The following DPP10 variants were observed in gnomAD, a reference collection of about 807,000 sequenced individuals.
The protein encoded by DPP10 is dipeptidyl peptidase like 10.
Under a neutral mutation model 120.9 loss-of-function variants are expected in DPP10, and 33 were observed. The observed-to-expected ratio is 0.27, with a 90% confidence interval of 0.21 to 0.37. The LOEUF is 0.37. DPP10 is among the 10% of genes least tolerant of loss of function. DPP10 has a pLI of 1.00. For synonymous variants in DPP10, 337 were observed against 326.1 expected, an observed-to-expected ratio of 1.03 and a Z score of -0.36; for missense variants, 816 against 942.8, an observed-to-expected ratio of 0.87 and a Z score of 1.76.
At chr2:114,691,643 T>C (rs573296640) in intron 1 of DPP10, among the ~76,000 whole-genome samples, 1 of 152,202 alleles carries the variant, frequency 6.6e-6, no homozygotes, top group East Asian at 1.9e-4. Context: ...TGGAATAGTT[T>C]CAGTAGAAGT....
chr2:114,930,691 T>C (rs1200251335), intron 1 of DPP10, among the ~76,000 whole-genome samples: 1 of 152,224 alleles, frequency 6.6e-6, no homozygotes, highest in East Asian at 1.9e-4. Flanking sequence ...ATTTAGCTTA[T>C]AGTTTTGTAG....
intron 1 of DPP10, among the ~76,000 whole-genome samples, chr2:114,640,213 G>A (rs1695605324): frequency 6.6e-6 from 1 of 151,844 alleles, no homozygotes; most frequent in Non-Finnish European, 1.5e-5. Context: ...ATAACTAGAG[G>A]GATTCAGATG....
At chr2:115,282,960 A>G (rs1435691815) in intron 1 of DPP10, among the ~76,000 whole-genome samples, 1 of 152,104 alleles carries the variant, frequency 6.6e-6, no homozygotes, top group Non-Finnish European at 1.5e-5. Flanking sequence ...AGTCCAAATT[A>G]GTTTCAAGAT....
At chr2:115,777,334 T>A (rs1304522500) in intron 14 of DPP10, 35 bp downstream of exon 14, 2 of 1,570,620 alleles carry the variant, frequency 1.3e-6, no homozygotes, top group Non-Finnish European at 1.8e-6. Context: ...AGGCTGCAAG[T>A]TAGCGTTGTC....
chr2:114,652,040 C>T (rs926704505), intron 1 of DPP10, among the ~76,000 whole-genome samples: 8 of 151,962 alleles, frequency 5.3e-5, no homozygotes, highest in Non-Finnish European at 1.0e-4. Flanking sequence ...GTTGGGATAT[C>T]CATGAAGAAA....
chr2:115,384,437 G>A (rs2066702734), intron 3 of DPP10, among the ~76,000 whole-genome samples: 2 of 137,584 alleles, frequency 1.5e-5, no homozygotes, highest in Admixed American at 1.6e-4. Flanking sequence ...AGGAGAAGAA[G>A]AAGAGGAGGA....
intron 3 of DPP10, among the ~76,000 whole-genome samples, chr2:115,372,746 C>T (rs563325981): frequency 6.6e-6 from 1 of 152,196 alleles, no homozygotes; most frequent in Non-Finnish European, 1.5e-5. Flanking sequence ...ATAACCATCA[C>T]TGAAGTTAGA....
At chr2:114,485,844 A>G (rs1355161201) in intron 1 of DPP10, among the ~76,000 whole-genome samples, 2 of 152,242 alleles carry the variant, frequency 1.3e-5, no homozygotes, top group African/African-American at 2.4e-5. Flanking sequence ...AACTTCCACC[A>G]AGGGAAAGCA....
At chr2:115,101,042 A>T (rs551770828) in intron 1 of DPP10, among the ~76,000 whole-genome samples, 2 of 152,226 alleles carry the variant, frequency 1.3e-5, no homozygotes, top group Admixed American at 1.3e-4. Context: ...CCTGTGAACC[A>T]AGCTCAGTCA....
At chr2:115,387,863 A>G (rs532840456) in intron 3 of DPP10, among the ~76,000 whole-genome samples, 3 of 152,320 alleles carry the variant, frequency 2.0e-5, no homozygotes, top group East Asian at 3.9e-4. Flanking sequence ...TAAACAGGCA[A>G]TACACAATTA....
chr2:115,460,693 C>T (rs555277174), intron 3 of DPP10, among the ~76,000 whole-genome samples: 15 of 152,188 alleles, frequency 9.9e-5, no homozygotes, highest in Non-Finnish European at 1.5e-4. Context: ...ATCAGAATCC[C>T]GAGAAATGGC....
At chr2:114,477,519 A>G (rs899521445) in intron 1 of DPP10, among the ~76,000 whole-genome samples, 2 of 90,958 alleles carry the variant, frequency 2.2e-5, no homozygotes, top group Non-Finnish European at 4.7e-5. Flanking sequence ...ATGTGTGTGT[A>G]TATATGTATA....
chr2:114,514,016 G>A (rs771739013), intron 1 of DPP10, among the ~76,000 whole-genome samples: 1 of 152,194 alleles, frequency 6.6e-6, no homozygotes, highest in Non-Finnish European at 1.5e-5. Context: ...CAGGGTTTGT[G>A]TTATCCAAGG....
intron 1 of DPP10, among the ~76,000 whole-genome samples, chr2:114,771,230 C>T (rs528549153): frequency 1.3e-5 from 2 of 152,282 alleles, no homozygotes; most frequent in African/African-American, 4.8e-5. Flanking sequence ...ATTCTGAAAT[C>T]GTCTCAGTTG....
At chr2:115,227,550 C>T (rs2057496279) in intron 1 of DPP10, among the ~76,000 whole-genome samples, 1 of 152,290 alleles carries the variant, frequency 6.6e-6, no homozygotes, top group South Asian at 2.1e-4. Context: ...AGCCCAAACT[C>T]CCTCTTGCCC....
chr2:115,094,078 T>C (rs1559086700), intron 1 of DPP10, among the ~76,000 whole-genome samples: 1 of 152,136 alleles, frequency 6.6e-6, no homozygotes, highest in Non-Finnish European at 1.5e-5. Context: ...GGGCATCTAG[T>C]AACTTTGAGT....
At chr2:115,535,960 T>G (rs2078804966) in intron 5 of DPP10, among the ~76,000 whole-genome samples, 1 of 152,036 alleles carries the variant, frequency 6.6e-6, no homozygotes, top group Non-Finnish European at 1.5e-5. Flanking sequence ...TGCACATTGA[T>G]TTTGTATCCT....
In DPP10 at chr2:115,836,810, A is replaced by C. The variant is rs987060320; in HGVS notation, c.2182+64A>C. The C allele has an allele frequency of 3.4e-6, 5 of 1,480,674 alleles. No homozygotes were observed. The Admixed American group carries it at 1.0e-4, about 31-fold the overall frequency. 91.7% of individuals were successfully genotyped at this position (1,480,674 alleles called of 1,614,324 possible). A position where few individuals can be genotyped will look rare whatever the true frequency, so the allele number is the denominator to read the frequency against. On this transcript the variant is annotated intron_variant, in intron 24 of 25. Coordinates refer to ENST00000410059, the MANE Select transcript of DPP10 (RefSeq NM_020868.6). Reference sequence around the variant, plus strand: ...GACCTTTTACAAAGGGATACATCTAAGGACTTGCTTACAGGAAGCCCTGTA... The same window carrying C: ...GACCTTTTACAAAGGGATACATCTACGGACTTGCTTACAGGAAGCCCTGTA...
At chr2:115,181,203 A>G (rs1001723222) in intron 1 of DPP10, among the ~76,000 whole-genome samples, 3 of 152,238 alleles carry the variant, frequency 2.0e-5, no homozygotes, top group African/African-American at 7.2e-5. Context: ...ATTATCTTTT[A>G]AGAAATCATG....
Sources: gnomAD v4.1 joint callset for allele counts (sites outside exome capture counted in the v4.1 genomes callset) on GRCh38, gnomAD v4.1.1 for gene constraint, MANE v1.5 for transcripts, NCBI Gene and HGNC (gene_info 2026-07-23, HGNC 2026-07-21) for gene names.